KAZN: variants seen among roughly 807,000 people sequenced by gnomAD.
KAZN encodes the protein kazrin, periplakin interacting protein.
A neutral mutation model predicts 87.4 loss-of-function variants in KAZN; 40 were observed. The observed-to-expected ratio is 0.46, with a 90% CI of 0.36 to 0.60. The LOEUF is 0.60. KAZN is among the 20% of genes least tolerant of loss of function. The pLI is 0.00. For missense variants in KAZN, 898 were observed against 1,073.9 expected (o/e 0.84, Z 2.29); for synonymous variants, 466 against 458.3 (o/e 1.02, Z -0.22).
At chr1:13,956,740 A>G (rs1483164603) in intron 1 of KAZN, among the ~76,000 whole-genome samples, 1 of 152,128 alleles carries the variant, frequency 6.6e-6, no homozygotes. Context: ...TATTACTTTC[A>G]GATTAAAAAA....
At chr1:15,020,635 C>G (rs1670573842) in intron 2 of KAZN, among the ~76,000 whole-genome samples, 1 of 152,196 alleles carries the variant, frequency 6.6e-6, no homozygotes, top group Non-Finnish European at 1.5e-5. Flanking sequence ...AAGCCATCCA[C>G]CATGTGAAGG....
In KAZN at chr1:14,820,232, T is replaced by G. The variant is rs1278444844; in HGVS notation, c.227-140452T>G. Among the ~76,000 whole-genome samples the G allele has an allele frequency of 6.6e-6, 1 of 152,178 alleles. No homozygotes were observed. The highest frequency in any genetic ancestry group is 2.4e-5 in the African/African-American group (1 of 41,428). ...AGGGGCTGGTGCTGCTGGTCAAAGATCACCATTAGAGCAATGCTGGATCAT... is the reference window on the plus strand; with the variant it reads ...AGGGGCTGGTGCTGCTGGTCAAAGAGCACCATTAGAGCAATGCTGGATCAT... On this transcript the variant is annotated intron_variant, in intron 1 of 14. Transcript: ENST00000376030. This position sits in a 1 kb window ranked among gnomAD's most constrained non-coding sequence, Gnocchi z 4.1.
intron 2 of KAZN, among the ~76,000 whole-genome samples, chr1:14,258,218 C>CTTTTTT (rs70997128): frequency 7.9e-6 from 1 of 126,450 alleles, no homozygotes; most frequent in Non-Finnish European, 1.6e-5. Context: ...TTCTTTCTTT[C>CTTTTTT]TTTTTTTTTT....
At chr1:15,016,187 A>G (rs1670079773) in intron 2 of KAZN, among the ~76,000 whole-genome samples, 1 of 152,212 alleles carries the variant, frequency 6.6e-6, no homozygotes, top group Non-Finnish European at 1.5e-5. Flanking sequence ...GACGGACGCC[A>G]GGGACTGTGG....
chr1:14,524,680 TA>T (rs1671773373), intron 2 of KAZN, among the ~76,000 whole-genome samples: 1 of 152,160 alleles, frequency 6.6e-6, no homozygotes, highest in African/African-American at 2.4e-5. Flanking sequence ...TTCGACTCCA[TA>T]AAACCCAGCA....
At chr1:14,998,720 T>G (rs1668154594) in intron 2 of KAZN, among the ~76,000 whole-genome samples, 1 of 152,098 alleles carries the variant, frequency 6.6e-6, no homozygotes, top group African/African-American at 2.4e-5. Context: ...GGCTAATTTT[T>G]GTATTTTTAG....
At chr1:14,115,395 G>A (rs1200240425) in intron 1 of KAZN, among the ~76,000 whole-genome samples, 3 of 152,170 alleles carry the variant, frequency 2.0e-5, no homozygotes, top group Non-Finnish European at 4.4e-5. Context: ...TTGAATCATG[G>A]GGGCAGGTCT....
chr1:14,193,107 C>T (rs1242158331), intron 2 of KAZN, among the ~76,000 whole-genome samples: 2 of 152,132 alleles, frequency 1.3e-5, no homozygotes, highest in East Asian at 1.9e-4. Context: ...GCGTTCTTCC[C>T]CCTGTACTTC....
At chr1:14,419,785 G>C (rs562225482) in intron 2 of KAZN, among the ~76,000 whole-genome samples, 3 of 152,024 alleles carry the variant, frequency 2.0e-5, no homozygotes, top group East Asian at 1.9e-4. Flanking sequence ...CCTCCCATCC[G>C]GAGTTGTTCA....
At position 14,976,595 on chromosome 1, in the gene KAZN, C is replaced by T. The variant is rs1327560238; in HGVS notation, c.418+15720C>T. 5.3e-5 allele frequency among the ~76,000 whole-genome samples: 8 copies of T among 152,198 alleles called. No homozygotes were observed. In the South Asian group the frequency reaches 6.2e-4, roughly 12 times the overall value. Reference sequence around the variant, plus strand: ...GAAATGCGTGAGCCGGATGAGCCCACGCTGCCCAGCCCCAGAGGAGGCCGG... The same window carrying T: ...GAAATGCGTGAGCCGGATGAGCCCATGCTGCCCAGCCCCAGAGGAGGCCGG... On this transcript the variant is annotated intron_variant, in intron 2 of 14. Coordinates refer to ENST00000376030, the MANE Select transcript of KAZN (RefSeq NM_201628.3).
rs368535719 is a variant in KAZN at position 14,985,525 on chromosome 1, G to C, written c.418+24650G>C. 1.2e-4 allele frequency among the ~76,000 whole-genome samples: 19 copies of C among 152,100 alleles called. No homozygotes were observed. In the South Asian group the frequency reaches 4.0e-3, roughly 32 times the overall value. ...AGCCTGGGTGACACAGTGAGACCCT[G>C]CCTCAAAAATAAATAAATAAACAAA... On this transcript the variant is annotated intron_variant, in intron 2 of 14. Coordinates refer to ENST00000376030, the MANE Select transcript of KAZN (RefSeq NM_201628.3).
chr1:14,154,953 T>TCTTCCTGC (rs1645557875), intron 1 of KAZN, among the ~76,000 whole-genome samples: 1 of 134,794 alleles, frequency 7.4e-6, no homozygotes, highest in African/African-American at 3.1e-5. Flanking sequence ...TTGTAGTTTT[T>TCTTCCTGC]CTTCCTTCCT....
intron 1 of KAZN, among the ~76,000 whole-genome samples, chr1:14,744,109 A>G (rs1004498368): frequency 6.6e-6 from 1 of 152,198 alleles, no homozygotes; most frequent in Non-Finnish European, 1.5e-5. Flanking sequence ...TGGCTTTATC[A>G]TGGCCATCAC....
At chr1:13,932,008 A>ATTTTTTTT (rs35231877) in intron 1 of KAZN, among the ~76,000 whole-genome samples, 5 of 122,918 alleles carry the variant, frequency 4.1e-5, no homozygotes, top group Non-Finnish European at 5.0e-5. Context: ...GGCTTGGCTA[A>ATTTTTTTT]TTTTTTTTTT....
chr1:15,039,424 A>G (rs1257206394), intron 3 of KAZN, among the ~76,000 whole-genome samples: 1 of 152,078 alleles, frequency 6.6e-6, no homozygotes, highest in Non-Finnish European at 1.5e-5. Flanking sequence ...GGAACGAAGG[A>G]ATGAGTCCCA....
chr1:14,849,339 A>G (rs1178917158), intron 1 of KAZN, among the ~76,000 whole-genome samples: 1 of 152,162 alleles, frequency 6.6e-6, no homozygotes, highest in Non-Finnish European at 1.5e-5. Flanking sequence ...ATTAATTCTA[A>G]TCATCGTCAT....
rs377247387 is a variant in KAZN at position 15,056,183 on chromosome 1, G to A, written c.819G>A (p.Glu273=). ...AGACGGTGCTCAATGGCAACCAGGA[G>A]TGGGTGGTGCAGGCGGACCTCCCGC... ...PGETVLNGNQ[E]WVVQADLPLT... Residue 273 remains glutamate (E), a synonymous_variant, in exon 5 of 15, where the codon GAG becomes GAA. Transcript: ENST00000376030. The surrounding 1 kb of genome is among the most constrained non-coding windows in gnomAD (Gnocchi z 5.4). 1.1e-5 allele frequency: 18 copies of A among 1,614,084 alleles called. No homozygotes were observed. Among genetic ancestry groups the A allele is most frequent in the Non-Finnish European group, 1.1e-5 (13 of 1,180,044 alleles).
intron 2 of KAZN, among the ~76,000 whole-genome samples, chr1:14,232,715 A>G (rs187795858): frequency 7.6e-4 from 115 of 152,278 alleles, no homozygotes; most frequent in African/African-American, 2.7e-3. Flanking sequence ...GATTGTCTTC[A>G]TTGTCACTTT....
intron 1 of KAZN, among the ~76,000 whole-genome samples, chr1:14,136,505 C>T (rs1645111937): frequency 6.6e-6 from 1 of 152,278 alleles, no homozygotes; most frequent in Non-Finnish European, 1.5e-5. Context: ...TGTTGAAATA[C>T]AGGACATCAG....
Sources: gnomAD v4.1 joint callset for allele counts (sites outside exome capture counted in the v4.1 genomes callset) on GRCh38, gnomAD v4.1.1 for gene constraint, Gnocchi (gnomAD v3.1) non-coding constraint, MANE v1.5 for transcripts, NCBI Gene and HGNC (gene_info 2026-07-23, HGNC 2026-07-21) for gene names.